The following SLIT1 variants were observed in gnomAD, a reference collection of about 807,000 sequenced individuals.
SLIT1 encodes slit homolog 1 protein.
SLIT1 carries 66 observed loss-of-function variants against 186.1 expected under a neutral mutation model. The observed-to-expected ratio is 0.35, with a 90% CI of 0.29 to 0.44. SLIT1 has a LOEUF of 0.44. Among genes scored for constraint, SLIT1 ranks in the 20% least tolerant of loss-of-function variants. SLIT1 has a pLI of 1.00. For missense variants in SLIT1, 1,638 were observed against 2,037.4 expected, an observed-to-expected ratio of 0.80 and a Z score of 3.77; for synonymous variants, 761 against 833.8, an observed-to-expected ratio of 0.91 and a Z score of 1.50.
chr10:97,185,924 C>T lies in SLIT1; in HGVS notation c.-250G>A. 1 of 486,630 alleles carries T rather than the reference C, an allele frequency of 2.1e-6. No homozygotes were observed. Among genetic ancestry groups the T allele is most frequent in the South Asian group, 3.2e-5 (1 of 31,212 alleles). 30.1% of individuals were successfully genotyped at this position (486,630 alleles called of 1,614,324 possible). ...CGTTTCGCCGCCTGCGTCTCCCTCT[C>T]CCTCCCTCCAGCTCCCAACTGACTG... is the stretch of plus-strand genomic sequence containing the variant. On this transcript the variant is annotated 5_prime_UTR_variant, in exon 1 of 37. Transcript: ENST00000266058.
chr10:97,129,949 C>A (rs1347924170), intron 4 of SLIT1, among the ~76,000 whole-genome samples: 1 of 152,124 alleles, frequency 6.6e-6, no homozygotes, highest in Non-Finnish European at 1.5e-5. Context: ...CACAACTACT[C>A]ACCCGGTTCT....
intron 4 of SLIT1, among the ~76,000 whole-genome samples, chr10:97,094,045 C>A (rs1173701013): frequency 6.6e-6 from 1 of 152,242 alleles, no homozygotes; most frequent in Non-Finnish European, 1.5e-5. Flanking sequence ...ACAAAAACCA[C>A]CTAGGGAAGG....
intron 4 of SLIT1, among the ~76,000 whole-genome samples, chr10:97,145,656 A>G (rs909652545): frequency 6.6e-6 from 1 of 152,188 alleles, no homozygotes; most frequent in Non-Finnish European, 1.5e-5. Flanking sequence ...AGACTGAGGG[A>G]AAAAGAGCCA....
At position 97,064,170 on chromosome 10, in the gene SLIT1, G is replaced by C. The variant is rs982771661; in HGVS notation, c.627C>G (p.Thr209=). 1.1e-5 allele frequency: 17 copies of C among 1,612,490 alleles called. No individual in the cohort carries two copies. In the East Asian group the frequency reaches 1.8e-4, roughly 17 times the overall value. Residue 209 remains threonine, a splice_region_variant and synonymous_variant, in exon 7 of 37, where the codon ACC becomes ACG. Transcript: ENST00000266058. ...SSFNHMPKLR[T]FRLHSNHLFC... ...CCCAGCTGCCCCGGCTGACTCACAA[G>C]GTCCGTAGCTTGGGCATATGGTTGA... is the stretch of plus-strand genomic sequence containing the variant.
chr10:97,019,112 A>C lies in SLIT1; in HGVS notation c.2747-5T>G. On this transcript the variant is annotated splice_polypyrimidine_tract_variant and splice_region_variant and intron_variant, in intron 26 of 36. Transcript: ENST00000266058. ...GGACAGCCAGCGTTGGAGGACCTGC[A>C]GCAAGGGGAGGGTGCTAGTGCAGGG... 1 of 1,586,468 alleles carries C rather than the reference A, an allele frequency of 6.3e-7. No homozygotes were observed. Among genetic ancestry groups the C allele is most frequent in the Non-Finnish European group, 8.7e-7 (1 of 1,155,004 alleles).
intron 4 of SLIT1, among the ~76,000 whole-genome samples, chr10:97,106,597 T>C (rs1849417609): frequency 6.6e-6 from 1 of 152,080 alleles, no homozygotes; most frequent in Non-Finnish European, 1.5e-5. Flanking sequence ...GTAGGCTTAT[T>C]TGGGGGAAAT....
At chr10:97,085,808 A>G (rs1389683635) in intron 4 of SLIT1, among the ~76,000 whole-genome samples, 1 of 152,228 alleles carries the variant, frequency 6.6e-6, no homozygotes, top group Non-Finnish European at 1.5e-5. Context: ...TATGCCTAGC[A>G]TGGAGGTGGG....
At chr10:97,087,555 G>A (rs937360032) in intron 4 of SLIT1, among the ~76,000 whole-genome samples, 1 of 152,222 alleles carries the variant, frequency 6.6e-6, no homozygotes, top group African/African-American at 2.4e-5. Context: ...TGAGTGAAGA[G>A]CACTGCCCTG....
intron 1 of SLIT1, among the ~76,000 whole-genome samples, chr10:97,182,875 C>T (rs1161761784): frequency 1.3e-5 from 2 of 151,914 alleles, no homozygotes; most frequent in African/African-American, 2.4e-5. Context: ...CCTGTAATCC[C>T]AACACTTTGG....
At chr10:97,163,844 G>A (rs1390228612) in intron 2 of SLIT1, among the ~76,000 whole-genome samples, 5 of 152,254 alleles carry the variant, frequency 3.3e-5, no homozygotes, top group Non-Finnish European at 5.9e-5. Flanking sequence ...GCTGGCGCAC[G>A]TGCCCTGGCC....
At chr10:97,156,175 A>C (rs1359782794) in intron 4 of SLIT1, among the ~76,000 whole-genome samples, 2 of 152,216 alleles carry the variant, frequency 1.3e-5, no homozygotes, top group Admixed American at 6.5e-5. Context: ...AGCAAAAGAG[A>C]TCATCACTAA....
chr10:97,131,573 G>T (rs566199883), intron 4 of SLIT1, among the ~76,000 whole-genome samples: 85 of 152,340 alleles, frequency 5.6e-4, no homozygotes, highest in African/African-American at 1.9e-3. Context: ...AACAGCAGAT[G>T]TGAGTTCCAC....
intron 2 of SLIT1, among the ~76,000 whole-genome samples, 155 bp from the exon 3 acceptor site, chr10:97,163,606 C>T (rs1180720566): frequency 6.6e-6 from 1 of 152,270 alleles, no homozygotes; most frequent in African/African-American, 2.4e-5. Flanking sequence ...CAGGCCTATG[C>T]CTGGCCTGAG....
At chr10:97,063,016 C>T (rs1180136326) in intron 8 of SLIT1, among the ~76,000 whole-genome samples, 4 of 151,904 alleles carry the variant, frequency 2.6e-5, no homozygotes, top group East Asian at 1.9e-4. Flanking sequence ...AGAGGTGAGG[C>T]GATTGGAGGA....
rs115596262 is a variant in SLIT1, at chr10:97,065,790, T to C, written c.485+225A>G. 1.8e-3 allele frequency: 892 copies of C among 502,212 alleles called. 5 individuals are homozygous for C. The highest frequency in any genetic ancestry group is 0.015 in the African/African-American group (785 of 52,068). The allele number at this position is 502,212 out of a possible 1,614,324, so 31.1% of individuals were successfully genotyped here. On this transcript the variant is annotated intron_variant, in intron 5 of 36. Transcript: ENST00000266058. ...CTTCACCAGGTCCCCAAGGGCCCCC[T>C]CCGTTGGCTCTCATATGGAATCACA...
intron 27 of SLIT1, 25 bp from the exon 28 acceptor site, chr10:97,018,708 A>G (rs1848476188): frequency 6.7e-7 from 1 of 1,487,694 alleles, no homozygotes; most frequent in Non-Finnish European, 9.2e-7. Flanking sequence ...AGTGATGGGG[A>G]CCCCAGGGAG....
In SLIT1 at chr10:97,051,102, G is replaced by A. The variant is rs371852209; in HGVS notation, c.1302-1984C>T. 3.9e-5 allele frequency among the ~76,000 whole-genome samples: 6 copies of A among 152,290 alleles called. No homozygotes were observed. In the East Asian group the frequency reaches 9.6e-4, roughly 24 times the overall value. ...CTGGCAGTGGAAGGAAAGGAAGAGAGGACTGATTCTCAGTGTCTTTGTAGA... is the reference window on the plus strand; with the variant it reads ...CTGGCAGTGGAAGGAAAGGAAGAGAAGACTGATTCTCAGTGTCTTTGTAGA... On this transcript the variant is annotated intron_variant, in intron 13 of 36. Transcript: ENST00000266058.
At chr10:97,063,915 C>T (rs1848918679) in intron 7 of SLIT1, among the ~76,000 whole-genome samples, 1 of 152,172 alleles carries the variant, frequency 6.6e-6, no homozygotes, top group African/African-American at 2.4e-5. Flanking sequence ...AACCACCTGG[C>T]TCATTTTCAA....
At chr10:97,051,803 C>T (rs1267565706) in intron 13 of SLIT1, among the ~76,000 whole-genome samples, 3 of 125,924 alleles carry the variant, frequency 2.4e-5, no homozygotes, top group South Asian at 3.0e-4. Flanking sequence ...CAGAGTGAAA[C>T]TCCATCTCAA....
Sources: gnomAD v4.1 joint callset for allele counts (sites outside exome capture counted in the v4.1 genomes callset) on GRCh38, gnomAD v4.1.1 for gene constraint, MANE v1.5 for transcripts, NCBI Gene and HGNC (gene_info 2026-07-23, HGNC 2026-07-21) for gene names.